Variants in PBX1 observed in about 807,000 individuals in gnomAD.
PBX1 encodes PBX homeobox 1, also known as pre-B-cell leukemia transcription factor 1.
A neutral mutation model predicts 53.4 loss-of-function variants in PBX1; 6 were observed. The observed-to-expected ratio is 0.11, with a 90% CI of 0.06 to 0.22. The LOEUF (loss-of-function observed/expected upper bound fraction) is 0.22. Among genes scored for constraint, PBX1 ranks in the 10% least tolerant of loss-of-function variants. PBX1 has a pLI of 1.00. For synonymous variants in PBX1, 204 were observed against 212.3 expected (o/e 0.96, Z 0.34); for missense variants, 251 against 551.4 (o/e 0.46, Z 5.46).
chr1:164,634,573 C>T (rs1044336162), intron 2 of PBX1, among the ~76,000 whole-genome samples: 10 of 152,126 alleles, frequency 6.6e-5, no homozygotes, highest in African/African-American at 9.7e-5. Flanking sequence ...CTTTGGGTTT[C>T]GTTTCTGGAA....
rs538630882 is a variant in PBX1, at chr1:164,850,901, A to T, written c.*4225A>T. 6 of 212,370 alleles carry T rather than the reference A, an allele frequency of 2.8e-5. No individual in the cohort carries two copies. The highest frequency in any genetic ancestry group is 5.7e-5 in the Non-Finnish European group (6 of 104,806). 13.2% of individuals were successfully genotyped at this position (212,370 alleles called of 1,614,324 possible). On this transcript the variant is annotated 3_prime_UTR_variant, in exon 9 of 9. Transcript: ENST00000420696. ...TTATTTCTCCCTAATTAATAACTAC[A>T]TTCCATGAGGCCTCTTCCAACCAAA...
chr1:164,668,970 A>C (rs1660969119), intron 2 of PBX1, among the ~76,000 whole-genome samples: 2 of 152,064 alleles, frequency 1.3e-5, no homozygotes, highest in Non-Finnish European at 2.9e-5. Context: ...TCTGGTAGGA[A>C]GACTGTGTGT....
chr1:164,709,786 T>C (rs2102069838), intron 2 of PBX1, among the ~76,000 whole-genome samples: 1 of 152,326 alleles, frequency 6.6e-6, no homozygotes, highest in Non-Finnish European at 1.5e-5. Context: ...TCTTTCCCTT[T>C]TGAATTTGAT....
chr1:164,852,700 A>G (rs1671885333), downstream of PBX1, among the ~76,000 whole-genome samples: 1 of 152,230 alleles, frequency 6.6e-6, no homozygotes, highest in African/African-American at 2.4e-5. Context: ...ACAATTCTAA[A>G]TGATAGAAAC....
chr1:164,568,294 C>T (rs1333556365), intron 2 of PBX1, among the ~76,000 whole-genome samples: 1 of 151,386 alleles, frequency 6.6e-6, no homozygotes, highest in Non-Finnish European at 1.5e-5. Context: ...TATGTTTGAA[C>T]TTGGTGAAGC....
intron 2 of PBX1, among the ~76,000 whole-genome samples, chr1:164,606,241 G>A (rs1001525504): frequency 5.3e-5 from 8 of 152,224 alleles, no homozygotes; most frequent in African/African-American, 1.7e-4. Flanking sequence ...TGTTATCCCA[G>A]TGCTTTGGGA....
chr1:164,744,620 A>C (rs555745600), intron 2 of PBX1, among the ~76,000 whole-genome samples: 1 of 152,294 alleles, frequency 6.6e-6, no homozygotes, highest in East Asian at 1.9e-4. Context: ...AGTAGCTAGA[A>C]GAGTGCCTGG....
In PBX1 at chr1:164,847,694, C is replaced by A; in HGVS notation, c.*1018C>A. 9.5e-7 allele frequency: 1 copy of A among 1,056,692 alleles called. No homozygotes were observed. Among genetic ancestry groups the A allele is most frequent in the African/African-American group, 1.6e-5 (1 of 60,658 alleles). The allele number at this position is 1,056,692 out of a possible 1,614,324, so 65.5% of individuals were successfully genotyped here. A position where few individuals can be genotyped will look rare whatever the true frequency, so the allele number is the denominator to read the frequency against. Reference sequence around the variant, plus strand: ...TTTCCCGAGATGCCATATACAATTACCTACATTAATAACTGTAGCACTATG... The same window carrying A: ...TTTCCCGAGATGCCATATACAATTAACTACATTAATAACTGTAGCACTATG... On this transcript the variant is annotated 3_prime_UTR_variant, in exon 9 of 9. Coordinates refer to ENST00000420696, the MANE Select transcript of PBX1 (RefSeq NM_002585.4).
chr1:164,786,720 T>TGTGTGTGTGC (rs1357886882), intron 2 of PBX1, among the ~76,000 whole-genome samples: 18 of 116,254 alleles, frequency 1.5e-4, no homozygotes, highest in African/African-American at 5.6e-4. Flanking sequence ...TGTGTGTGTG[T>TGTGTGTGTGC]GCGCGCGCAC....
intron 2 of PBX1, among the ~76,000 whole-genome samples, chr1:164,721,487 A>T (rs373510742): frequency 3.4e-3 from 521 of 152,220 alleles, no homozygotes; most frequent in African/African-American, 0.012. Context: ...ATGGAGGAAG[A>T]AGGATAATGA....
intron 2 of PBX1, among the ~76,000 whole-genome samples, chr1:164,868,910 A>G (rs995863153): frequency 3.3e-5 from 5 of 152,184 alleles, no homozygotes; most frequent in African/African-American, 1.2e-4. Flanking sequence ...CTGAGCCTGA[A>G]CTTTGTTTCC....
intron 2 of PBX1, among the ~76,000 whole-genome samples, chr1:164,607,294 G>A (rs1043865095): frequency 2.0e-5 from 3 of 152,182 alleles, no homozygotes; most frequent in African/African-American, 7.2e-5. Flanking sequence ...GAGCTAGAAG[G>A]TGAGAGATGG....
chr1:164,744,513 A>C (rs1214258949), intron 2 of PBX1, among the ~76,000 whole-genome samples: 1 of 152,176 alleles, frequency 6.6e-6, no homozygotes, highest in Non-Finnish European at 1.5e-5. Flanking sequence ...TTCAAATTCA[A>C]ATGCCTCATT....
At chr1:164,563,401 A>T in intron 2 of PBX1, 90 bp downstream of exon 2, 1 of 789,278 alleles carries the variant, frequency 1.3e-6, no homozygotes, top group Non-Finnish European at 2.1e-6. Context: ...AAATATTAAA[A>T]TTTCAGAATA....
At chr1:164,596,470 C>T (rs1655767999) in intron 2 of PBX1, among the ~76,000 whole-genome samples, 2 of 152,304 alleles carry the variant, frequency 1.3e-5, no homozygotes, top group South Asian at 4.1e-4. Flanking sequence ...GTGATTTGCC[C>T]CCAGGGGCCA....
chr1:164,585,028 A>G (rs1371575542), intron 2 of PBX1, among the ~76,000 whole-genome samples: 1 of 152,190 alleles, frequency 6.6e-6, no homozygotes, highest in Admixed American at 6.5e-5. Context: ...TAATAATAGT[A>G]ATAAAATAAA....
At chr1:164,812,180 A>G (rs1571453860) in intron 6 of PBX1, 31 bp downstream of exon 6, 1 of 1,586,720 alleles carries the variant, frequency 6.3e-7, no homozygotes, top group Non-Finnish European at 8.6e-7. Flanking sequence ...GGGGTGGGGG[A>G]AGGAATTGTT....
At chr1:164,751,575 G>GCC (rs770128250) in intron 2 of PBX1, among the ~76,000 whole-genome samples, 10 of 135,230 alleles carry the variant, frequency 7.4e-5, no homozygotes, top group African/African-American at 2.7e-4. Context: ...TGGGTTTATT[G>GCC]CCCCCCTTTT....
chr1:164,801,636 C>T (rs1432008435), intron 4 of PBX1, among the ~76,000 whole-genome samples: 2 of 152,258 alleles, frequency 1.3e-5, no homozygotes, highest in Non-Finnish European at 2.9e-5. Flanking sequence ...AAGTTTCTTT[C>T]GCTTCCACCA....
Sources: allele counts gnomAD v4.1 joint callset (sites outside exome capture counted in the v4.1 genomes callset), GRCh38; gene constraint gnomAD v4.1.1; transcripts MANE v1.5; gene names NCBI Gene and HGNC (gene_info 2026-07-23, HGNC 2026-07-21).